Variants in SYT1 observed in about 807,000 individuals in gnomAD.
The protein encoded by SYT1 is synaptotagmin 1, also known as synaptotagmin-1.
SYT1 carries 8 observed loss-of-function variants against 44.8 expected under a neutral mutation model. The observed-to-expected ratio is 0.18, with a 90% CI of 0.10 to 0.32. The LOEUF is 0.32. SYT1 is among the 10% of genes least tolerant of loss of function. The pLI is 1.00. For synonymous variants in SYT1, 154 were observed against 188.8 expected (o/e 0.82, Z 1.51); for missense variants, 286 against 509.3 (o/e 0.56, Z 4.22).
At chr12:79,022,110 A>AG (rs983676617) in intron 2 of SYT1, among the ~76,000 whole-genome samples, 1 of 151,780 alleles carries the variant, frequency 6.6e-6, no homozygotes, top group Non-Finnish European at 1.5e-5. Flanking sequence ...GAAAAAAAAA[A>AG]GAGGAAACTT....
intron 3 of SYT1, among the ~76,000 whole-genome samples, chr12:79,192,333 A>G (rs1372069884): frequency 2.0e-5 from 3 of 152,164 alleles, no homozygotes; most frequent in Non-Finnish European, 2.9e-5. Flanking sequence ...AGTTGATATC[A>G]TTAAGACAGT....
intron 3 of SYT1, among the ~76,000 whole-genome samples, chr12:79,113,395 A>G (rs1469150336): frequency 6.6e-6 from 1 of 152,172 alleles, no homozygotes; most frequent in Non-Finnish European, 1.5e-5. Context: ...ATCTTATACT[A>G]GAGAGATATG....
chr12:79,222,240 C>T (rs1393679734), intron 4 of SYT1, among the ~76,000 whole-genome samples: 1 of 151,808 alleles, frequency 6.6e-6, no homozygotes. Context: ...TGTCTTTGAT[C>T]CTTGACAACT....
Position 79,322,096 on chromosome 12 carries a change from A to G in SYT1, c.810+22545A>G, listed in dbSNP as rs377175856. ...ACAGTCTGGTCAATGTTCCCTAAGA[A>G]AATGATTCATTCAGCATGCCCCATT... On this transcript the variant is annotated intron_variant, in intron 8 of 10. Transcript: ENST00000261205. Among the ~76,000 whole-genome samples, 88 of 152,328 alleles carry G rather than the reference A, an allele frequency of 5.8e-4. 1 individual carries two copies. In the South Asian group the frequency reaches 7.5e-3, roughly 13 times the overall value.
At chr12:79,342,473 C>T (rs1438077707) in intron 8 of SYT1, among the ~76,000 whole-genome samples, 1 of 152,170 alleles carries the variant, frequency 6.6e-6, no homozygotes, top group African/African-American at 2.4e-5. Context: ...TCAAGCTATT[C>T]GCCCTCCTTG....
At chr12:79,047,922 A>G (rs1874193788) in intron 3 of SYT1, among the ~76,000 whole-genome samples, 1 of 151,900 alleles carries the variant, frequency 6.6e-6, no homozygotes, top group Non-Finnish European at 1.5e-5. Flanking sequence ...ATGATAATAT[A>G]GTTTTCCTAA....
rs929506897 is a variant in SYT1 at position 79,353,684 on chromosome 12, C to T, written c.928+65C>T. Reference sequence around the variant, plus strand: ...TTCGTCGTGGATACCAAATGCATGGCGCACATGCTGCGACTCCCCACTTCT... The same window carrying T: ...TTCGTCGTGGATACCAAATGCATGGTGCACATGCTGCGACTCCCCACTTCT... On this transcript the variant is annotated intron_variant, in intron 9 of 10. Coordinates refer to ENST00000261205, the MANE Select transcript of SYT1 (RefSeq NM_005639.3). 139 of 1,169,244 alleles carry T rather than the reference C, an allele frequency of 1.2e-4. No individual in the cohort carries two copies. In the Admixed American group the frequency reaches 1.4e-3, roughly 11 times the overall value. The allele number at this position is 1,169,244 out of a possible 1,614,324, so 72.4% of individuals were successfully genotyped here.
In SYT1 at chr12:78,942,591, A is replaced by G. The variant is rs375451664; in HGVS notation, c.-216-35208A>G. On this transcript the variant is annotated intron_variant, in intron 1 of 10. Transcript: ENST00000261205. ...TGTGTCCCACTGTCTGAAAGCATTT[A>G]CTTTCTTGCTCTGTGGTTACCTATA... Among the ~76,000 whole-genome samples, 18 of 152,298 alleles carry G rather than the reference A, an allele frequency of 1.2e-4. 1 individual carries two copies. Among genetic ancestry groups the G allele is most frequent in the Admixed American group, 5.9e-4 (9 of 15,296 alleles).
intron 9 of SYT1, among the ~76,000 whole-genome samples, chr12:79,391,166 T>C (rs773298880): frequency 6.6e-5 from 10 of 152,212 alleles, no homozygotes; most frequent in Admixed American, 1.3e-4. Context: ...TTGTTTTCAA[T>C]TGGCAGAATG....
chr12:79,426,859 T>C (rs1869479952), intron 9 of SYT1, among the ~76,000 whole-genome samples: 1 of 152,164 alleles, frequency 6.6e-6, no homozygotes, highest in South Asian at 2.1e-4. Context: ...CAGGTGAAGG[T>C]AATTGAATCA....
chr12:78,991,718 T>G (rs1870034226), intron 2 of SYT1, among the ~76,000 whole-genome samples: 1 of 152,178 alleles, frequency 6.6e-6, no homozygotes. Context: ...AGCCTTGCCC[T>G]TTCTTTGAAC....
intron 3 of SYT1, among the ~76,000 whole-genome samples, chr12:79,090,264 G>A (rs1012262761): frequency 9.9e-5 from 15 of 151,968 alleles, no homozygotes; most frequent in African/African-American, 3.6e-4. Flanking sequence ...AGTTGGTACA[G>A]CCTGTTCAAA....
chr12:79,307,285 A>T (rs193044376), intron 8 of SYT1, among the ~76,000 whole-genome samples: 7 of 152,348 alleles, frequency 4.6e-5, no homozygotes, highest in African/African-American at 1.7e-4. Context: ...GAGAGGAAGC[A>T]TACACAGACA....
chr12:78,913,453 T>G (rs7959005), intron 1 of SYT1, among the ~76,000 whole-genome samples: 115,732 of 151,366 alleles, frequency 0.76, 44,795 homozygotes, highest in African/African-American at 0.87. Flanking sequence ...CTTTATATAT[T>G]TTTTCTCTAG....
chr12:78,956,476 A>T (rs1035903668), intron 1 of SYT1, among the ~76,000 whole-genome samples: 24 of 151,806 alleles, frequency 1.6e-4, no homozygotes, highest in Admixed American at 5.3e-4. Context: ...CTCTCTCCCT[A>T]CCCCTGCTAG....
chr12:79,208,857 CA>C (rs1436611073), intron 3 of SYT1, among the ~76,000 whole-genome samples: 1 of 151,998 alleles, frequency 6.6e-6, no homozygotes, highest in Non-Finnish European at 1.5e-5. Flanking sequence ...ATTCAATTTG[CA>C]AAAGCACTAT....
chr12:79,203,364 G>C (rs1412213820), intron 3 of SYT1, among the ~76,000 whole-genome samples: 1 of 152,108 alleles, frequency 6.6e-6, no homozygotes, highest in Non-Finnish European at 1.5e-5. Flanking sequence ...GCTGCAAGCA[G>C]TTCCAGGTAC....
chr12:79,051,274 T>A (rs1171301458), intron 3 of SYT1, among the ~76,000 whole-genome samples: 3 of 151,106 alleles, frequency 2.0e-5, no homozygotes, highest in African/African-American at 7.3e-5. Context: ...GAATGATGTT[T>A]ATAAAAGTTA....
intron 4 of SYT1, among the ~76,000 whole-genome samples, chr12:79,260,758 A>G (rs1877786015): frequency 6.6e-6 from 1 of 151,862 alleles, no homozygotes; most frequent in Non-Finnish European, 1.5e-5. Context: ...GCGTTAGATT[A>G]TTTTTCTAAG....
Sources: gnomAD v4.1 joint callset for allele counts (sites outside exome capture counted in the v4.1 genomes callset) on GRCh38, gnomAD v4.1.1 for gene constraint, MANE v1.5 for transcripts, NCBI Gene and HGNC (gene_info 2026-07-23, HGNC 2026-07-21) for gene names.